DCLK2: variants seen among roughly 807,000 people sequenced by gnomAD.
The protein encoded by DCLK2 is doublecortin like kinase 2.
In DCLK2, 31 loss-of-function variants were observed where a neutral mutation model predicts 78.4. The observed-to-expected ratio is 0.40, with a 90% confidence interval of 0.30 to 0.53. DCLK2 has a LOEUF of 0.53. DCLK2 is among the 20% of genes least tolerant of loss of function. The probability of loss-of-function intolerance (pLI) is 0.61; values close to 1 mark genes in which losing one functional copy is unlikely to be tolerated. For synonymous variants in DCLK2, 407 were observed against 374.9 expected (o/e 1.09, Z -0.99); for missense variants, 872 against 973.7 (o/e 0.90, Z 1.39).
intron 2 of DCLK2, among the ~76,000 whole-genome samples, chr4:150,136,979 CTTTTTTTTT>C (rs35729685): frequency 1.2e-5 from 1 of 82,406 alleles, no homozygotes; most frequent in African/African-American, 4.5e-5. Context: ...TCTTCTTCTT[CTTTTTTTTT>C]TTTTTTTTTT....
intron 2 of DCLK2, among the ~76,000 whole-genome samples, chr4:150,161,706 A>G (rs1263624822): frequency 6.6e-6 from 1 of 152,228 alleles, no homozygotes; most frequent in Non-Finnish European, 1.5e-5. Flanking sequence ...TTCCATTTGT[A>G]AGTATTTTAT....
At chr4:150,179,576 G>A (rs1737354229) in intron 2 of DCLK2, among the ~76,000 whole-genome samples, 1 of 152,236 alleles carries the variant, frequency 6.6e-6, no homozygotes, top group Admixed American at 6.5e-5. Flanking sequence ...ATGCTAAACA[G>A]ACACCAAAAG....
At chr4:150,229,840 T>G (rs1410306364) in intron 8 of DCLK2, among the ~76,000 whole-genome samples, 1 of 152,134 alleles carries the variant, frequency 6.6e-6, no homozygotes, top group Non-Finnish European at 1.5e-5. Context: ...ATAATGTAAG[T>G]TCAGTATGGC....
At position 150,078,819 on chromosome 4, in the gene DCLK2, A is replaced by C. The variant is rs28501392; in HGVS notation, c.-209A>C. Reference sequence around the variant, plus strand: ...AGTCGCACTGGACAATGACCTGGGCAGCTCGGCGCTGCGGACACTTTTAGC... The same window carrying C: ...AGTCGCACTGGACAATGACCTGGGCCGCTCGGCGCTGCGGACACTTTTAGC... On this transcript the variant is annotated 5_prime_UTR_variant, in exon 1 of 16. Coordinates refer to ENST00000296550, the MANE Select transcript of DCLK2 (RefSeq NM_001040260.4). The C allele has an allele frequency of 0.014, 7,571 of 540,130 alleles. 502 individuals carry two copies. The highest frequency in any genetic ancestry group is 0.14 in the African/African-American group (6,848 of 49,784). The allele number at this position is 540,130 out of a possible 1,614,324, so 33.5% of individuals were successfully genotyped here. A position where few individuals can be genotyped will look rare whatever the true frequency, so the allele number is the denominator to read the frequency against.
At chr4:150,227,485 C>T (rs1446645995) in intron 8 of DCLK2, among the ~76,000 whole-genome samples, 1 of 152,098 alleles carries the variant, frequency 6.6e-6, no homozygotes, top group East Asian at 1.9e-4. Context: ...GGAGCAGGAA[C>T]AGTGGGTAGG....
intron 1 of DCLK2, among the ~76,000 whole-genome samples, chr4:150,090,371 A>T (rs574931094): frequency 2.0e-5 from 3 of 152,322 alleles, no homozygotes; most frequent in East Asian, 3.9e-4. Context: ...GCGCCATTAC[A>T]CTCCACTCCA....
chr4:150,250,827 T>C (rs1314184949), intron 15 of DCLK2, among the ~76,000 whole-genome samples: 2 of 148,486 alleles, frequency 1.3e-5, no homozygotes, highest in Non-Finnish European at 3.0e-5. Flanking sequence ...AGATAGAAGC[T>C]ATAAGGAAGC....
chr4:150,223,743 CAATA>C (rs59076501), intron 7 of DCLK2, among the ~76,000 whole-genome samples: 274 of 146,964 alleles, frequency 1.9e-3, no homozygotes, highest in African/African-American at 5.9e-3. Flanking sequence ...GACTCTCTCT[CAATA>C]AATAAATAAA....
chr4:150,132,557 A>G (rs1293317518), intron 2 of DCLK2, among the ~76,000 whole-genome samples: 1 of 152,170 alleles, frequency 6.6e-6, no homozygotes, highest in African/African-American at 2.4e-5. Flanking sequence ...TAGAGGAAAT[A>G]CAGGGTTCAG....
At chr4:150,197,682 G>A (rs1273528955) in intron 3 of DCLK2, among the ~76,000 whole-genome samples, 3 of 151,962 alleles carry the variant, frequency 2.0e-5, no homozygotes, top group African/African-American at 7.3e-5. Context: ...TTGAACCCAG[G>A]AGGCGGAGGT....
chr4:150,249,911 G>A (rs1021599392), intron 15 of DCLK2, among the ~76,000 whole-genome samples: 1 of 152,164 alleles, frequency 6.6e-6, no homozygotes, highest in Non-Finnish European at 1.5e-5. Context: ...AGGGGTCCAG[G>A]CGTCAAGGAG....
rs998607607 is a variant in DCLK2 at position 150,119,195 on chromosome 4, C to T, written c.756+16383C>T. On this transcript the variant is annotated intron_variant, in intron 2 of 15. Coordinates refer to ENST00000296550, the MANE Select transcript of DCLK2 (RefSeq NM_001040260.4). ...CCATGTTGTTGTATCATCTTCATAT[C>T]GCATACCTGAATGACTGAATAATGT... Among the ~76,000 whole-genome samples, 5 of 152,196 alleles carry T rather than the reference C, an allele frequency of 3.3e-5. No individual in the cohort carries two copies. The East Asian group carries it at 5.8e-4, about 18-fold the overall frequency.
At chr4:150,244,879 T>G (rs1743188264) in intron 12 of DCLK2, among the ~76,000 whole-genome samples, 2 of 152,158 alleles carry the variant, frequency 1.3e-5, no homozygotes, top group South Asian at 4.1e-4. Flanking sequence ...TATAAATGAC[T>G]GCTGTGCACA....
At chr4:150,139,851 C>A (rs527801282) in intron 2 of DCLK2, among the ~76,000 whole-genome samples, 1 of 152,298 alleles carries the variant, frequency 6.6e-6, no homozygotes, top group Non-Finnish European at 1.5e-5. Flanking sequence ...TCTTGTCATT[C>A]CATCCTTTTA....
chr4:150,122,772 T>C (rs62338177), intron 2 of DCLK2, among the ~76,000 whole-genome samples: 35,566 of 152,090 alleles, frequency 0.23, 4,508 homozygotes, highest in African/African-American at 0.34. Flanking sequence ...GGTTGTTTAA[T>C]GTATACACCT....
intron 2 of DCLK2, among the ~76,000 whole-genome samples, chr4:150,119,233 A>T (rs1205821533): frequency 6.6e-6 from 1 of 152,078 alleles, no homozygotes; most frequent in African/African-American, 2.4e-5. Context: ...AATTGGCTAG[A>T]TATACCATGA....
At chr4:150,206,197 C>T (rs751527859) in intron 5 of DCLK2, among the ~76,000 whole-genome samples, 4 of 152,118 alleles carry the variant, frequency 2.6e-5, no homozygotes, top group Non-Finnish European at 5.9e-5. Flanking sequence ...TGCATGCATA[C>T]TTGTGCAGGG....
chr4:150,201,505 CTT>C (rs1161400578), intron 4 of DCLK2, among the ~76,000 whole-genome samples: 6 of 152,140 alleles, frequency 3.9e-5, no homozygotes. Flanking sequence ...ATTAGTATCT[CTT>C]TTAGGATGAG....
intron 1 of DCLK2, among the ~76,000 whole-genome samples, chr4:150,086,944 A>T (rs1729692953): frequency 6.6e-6 from 1 of 152,164 alleles, no homozygotes; most frequent in Non-Finnish European, 1.5e-5. Context: ...TAGCATTCTC[A>T]TTTTAAGCAA....
Sources: allele counts gnomAD v4.1 joint callset (sites outside exome capture counted in the v4.1 genomes callset), GRCh38; gene constraint gnomAD v4.1.1; transcripts MANE v1.5; gene names NCBI Gene and HGNC (gene_info 2026-07-23, HGNC 2026-07-21).